Variants in RBMS3 observed in about 807,000 individuals in gnomAD.
RBMS3 encodes the protein RNA-binding motif, single-stranded-interacting protein 3.
A neutral mutation model predicts 66.8 loss-of-function variants in RBMS3; 27 were observed. The observed-to-expected ratio is 0.40, with a 90% CI of 0.30 to 0.56. The LOEUF is 0.56. Ranked by LOEUF, RBMS3 falls within the 20% of genes least tolerant of loss-of-function variation. RBMS3 has a pLI of 0.40. For missense variants in RBMS3, 513 were observed against 549.5 expected, an observed-to-expected ratio of 0.93 and a Z score of 0.66; for synonymous variants, 188 against 183.0, an observed-to-expected ratio of 1.03 and a Z score of -0.22.
intron 4 of RBMS3, chr3:29,614,723 TATAAA>T (rs1235016066): frequency 6.6e-6 from 1 of 152,134 alleles, no homozygotes; most frequent in Non-Finnish European, 1.5e-5. Flanking sequence ...AAGAGATAAA[TATAAA>T]ATAAATATGT....
At chr3:29,430,998 CA>C (rs1157911267) in intron 1 of RBMS3, among the ~76,000 whole-genome samples, 2 of 152,144 alleles carry the variant, frequency 1.3e-5, no homozygotes, top group East Asian at 3.9e-4. Flanking sequence ...CTACTGTGTG[CA>C]GGACTTGTAA....
rs186962325 is a variant in RBMS3, at chr3:29,594,268, T to C, written c.399+7063T>C. ...CATCCTAATATTGCACTGTTTGGAA[T>C]TTTTTTTTCATGTGAGTCAAATTCT... On this transcript the variant is annotated intron_variant, in intron 4 of 14. Coordinates refer to ENST00000383767, the MANE Select transcript of RBMS3 (RefSeq NM_001003793.3). Among the ~76,000 whole-genome samples the C allele has an allele frequency of 6.4e-4, 97 of 151,748 alleles. No homozygotes were observed. The East Asian group carries it at 0.016, about 25-fold the overall frequency.
intron 4 of RBMS3, among the ~76,000 whole-genome samples, chr3:29,621,812 G>C (rs1313655803): frequency 6.6e-6 from 1 of 151,890 alleles, no homozygotes; most frequent in Non-Finnish European, 1.5e-5. Context: ...AGGTAACAGA[G>C]GAAATCTGAA....
chr3:29,300,216 G>C (rs2033577775), intron 1 of RBMS3, among the ~76,000 whole-genome samples: 1 of 151,898 alleles, frequency 6.6e-6, no homozygotes, highest in South Asian at 2.1e-4. Flanking sequence ...CATCCTTAGG[G>C]GAATATTACT....
intron 3 of RBMS3, among the ~76,000 whole-genome samples, chr3:29,493,018 T>C (rs1241200786): frequency 2.6e-5 from 4 of 152,184 alleles, no homozygotes; most frequent in Admixed American, 2.0e-4. Context: ...AGAATATTTA[T>C]TCAAATATGT....
At chr3:29,950,234 C>T (rs889726648) in intron 12 of RBMS3, among the ~76,000 whole-genome samples, 5 of 151,840 alleles carry the variant, frequency 3.3e-5, no homozygotes, top group Non-Finnish European at 7.4e-5. Context: ...GCAGCACACA[C>T]ATCAAATCAA....
chr3:29,486,615 A>C (rs2043330016), intron 2 of RBMS3, among the ~76,000 whole-genome samples: 1 of 152,172 alleles, frequency 6.6e-6, no homozygotes, highest in Non-Finnish European at 1.5e-5. Context: ...CCATAAGAAA[A>C]CATTTAACAT....
At chr3:29,415,685 G>C (rs2040449530) in intron 1 of RBMS3, among the ~76,000 whole-genome samples, 1 of 152,128 alleles carries the variant, frequency 6.6e-6, no homozygotes, top group Non-Finnish European at 1.5e-5. Context: ...AGAAATAGTA[G>C]AACGGATGGA....
Position 29,638,135 on chromosome 3 carries a change from C to T in RBMS3, c.399+50930C>T, listed in dbSNP as rs531073900. Among the ~76,000 whole-genome samples the T allele has an allele frequency of 3.3e-5, 5 of 151,942 alleles. No homozygotes were observed. The East Asian group carries it at 9.7e-4, about 29-fold the overall frequency. ...TATGTTCTTGGAAAGCACAGGAAGACACGTCCCCCTATCCCCACCAAATAA... is the reference window on the plus strand; with the variant it reads ...TATGTTCTTGGAAAGCACAGGAAGATACGTCCCCCTATCCCCACCAAATAA... On this transcript the variant is annotated intron_variant, in intron 4 of 14. Coordinates refer to ENST00000383767, the MANE Select transcript of RBMS3 (RefSeq NM_001003793.3).
intron 6 of RBMS3, among the ~76,000 whole-genome samples, chr3:29,798,539 G>T (rs144274641): frequency 0.01 from 1,530 of 152,186 alleles, 29 homozygotes; most frequent in Middle Eastern, 0.034. Context: ...TAATTTATTG[G>T]CAAACAAACC....
intron 6 of RBMS3, among the ~76,000 whole-genome samples, chr3:29,793,313 A>G (rs534105079): frequency 1.3e-5 from 2 of 152,130 alleles, no homozygotes; most frequent in East Asian, 3.9e-4. Context: ...AAAAGTTAGA[A>G]TGTTAGCTTC....
At chr3:29,656,008 AAG>A (rs538218527) in intron 4 of RBMS3, among the ~76,000 whole-genome samples, 148 of 152,320 alleles carry the variant, frequency 9.7e-4, no homozygotes, top group African/African-American at 3.4e-3. Flanking sequence ...GATATGAAGA[AAG>A]AAATATTTTT....
At chr3:29,948,566 C>T (rs1171310300) in intron 12 of RBMS3, among the ~76,000 whole-genome samples, 1 of 151,738 alleles carries the variant, frequency 6.6e-6, no homozygotes, top group Non-Finnish European at 1.5e-5. Context: ...TAATTTCCAT[C>T]TTTTAATTAA....
chr3:29,445,526 G>A (rs1459782590), intron 2 of RBMS3, among the ~76,000 whole-genome samples: 4 of 151,988 alleles, frequency 2.6e-5, no homozygotes, highest in South Asian at 2.1e-4. Context: ...AGTTGGACTC[G>A]TTGAATGGTG....
At chr3:29,597,555 CTT>C (rs1345129109) in intron 4 of RBMS3, among the ~76,000 whole-genome samples, 2 of 152,144 alleles carry the variant, frequency 1.3e-5, no homozygotes, top group African/African-American at 4.8e-5. Flanking sequence ...ATTTGAATGA[CTT>C]AACCACACCG....
At chr3:29,724,166 A>G (rs1472987439) in intron 4 of RBMS3, among the ~76,000 whole-genome samples, 1 of 152,172 alleles carries the variant, frequency 6.6e-6, no homozygotes, top group Non-Finnish European at 1.5e-5. Context: ...GGATCTCATT[A>G]TCAATTTAAT....
At chr3:29,714,282 A>T (rs1418764174) in intron 4 of RBMS3, among the ~76,000 whole-genome samples, 17 of 152,194 alleles carry the variant, frequency 1.1e-4, no homozygotes, top group African/African-American at 4.1e-4. Flanking sequence ...AATTTGAATT[A>T]TTTCACAATT....
intron 6 of RBMS3, among the ~76,000 whole-genome samples, chr3:29,807,498 T>C (rs1226514425): frequency 1.3e-5 from 2 of 151,970 alleles, no homozygotes; most frequent in East Asian, 1.9e-4. Flanking sequence ...AATAATAGCA[T>C]GCATACATAC....
chr3:30,004,227 A>G lies in RBMS3; in HGVS notation c.*365A>G, dbSNP rs564907479. The G allele has an allele frequency of 2.0e-4, 33 of 164,664 alleles. No individual in the cohort carries two copies. In the South Asian group the frequency reaches 5.7e-3, roughly 29 times the overall value. The allele number at this position is 164,664 out of a possible 1,614,324, so 10.2% of individuals were successfully genotyped here. ...TAGATACTTTTTTTTTTTTTTTAAC[A>G]GAAAACCTGATGTCAAGAGGTGGGC... On this transcript the variant is annotated 3_prime_UTR_variant, in exon 15 of 15. Transcript: ENST00000383767.
Sources: gnomAD v4.1 joint callset for allele counts (sites outside exome capture counted in the v4.1 genomes callset) on GRCh38, gnomAD v4.1.1 for gene constraint, MANE v1.5 for transcripts, NCBI Gene and HGNC (gene_info 2026-07-23, HGNC 2026-07-21) for gene names.